Variants in CFAP97 observed in about 807,000 individuals in gnomAD.
CFAP97 encodes cilia and flagella associated protein 97, also known as cilia- and flagella-associated protein 97.
A neutral mutation model predicts 43.1 loss-of-function variants in CFAP97; 36 were observed. The ratio of observed to expected loss-of-function variants is 0.84; its 90% CI spans 0.64 to 1.10. The LOEUF (loss-of-function observed/expected upper bound fraction) is 1.10. CFAP97 is among the 50% of genes least tolerant of loss of function. The pLI is 0.00. For missense variants in CFAP97, 657 were observed against 620.3 expected, an observed-to-expected ratio of 1.06 and a Z score of -0.63; for synonymous variants, 228 against 225.7, an observed-to-expected ratio of 1.01 and a Z score of -0.09.
chr4:185,178,589 A>G (rs747426731), intron 2 of CFAP97, among the ~76,000 whole-genome samples: 6 of 152,068 alleles, frequency 3.9e-5, no homozygotes, highest in Middle Eastern at 3.2e-3. Flanking sequence ...CAAATTTTCT[A>G]GGATGATGGA....
At chr4:185,203,506 C>G (rs567709408) in intron 1 of CFAP97, among the ~76,000 whole-genome samples, 1 of 152,164 alleles carries the variant, frequency 6.6e-6, no homozygotes, top group Non-Finnish European at 1.5e-5. Context: ...TGTCTACATC[C>G]CCTACCGTCC....
rs369749223 is a variant in CFAP97, at chr4:185,175,941, G to C, written c.1165C>G (p.Arg389Gly). The stretch of plus-strand genomic sequence containing the variant: ...TCTTTCAAAAGCCTCTGATTTTCCC[G>C]ATCGATCTGTCTCACCTCTTCTCTT... ...FTREEVRQID[R>G]ENQRLLKELS... Residue 389 changes from arginine to glycine, a missense_variant, in exon 3 of 5, where the codon CGG becomes GGG. By Grantham distance (125) the Arg-to-Gly change is moderately radical. Coordinates refer to ENST00000458385, the MANE Select transcript of CFAP97 (RefSeq NM_020827.3). 1.1e-5 allele frequency: 17 copies of C among 1,613,604 alleles called. No individual in the cohort carries two copies. The Admixed American group carries it at 1.8e-4, about 17-fold the overall frequency.
At chr4:185,187,625 C>A (rs760212281) in intron 2 of CFAP97, among the ~76,000 whole-genome samples, 4 of 151,992 alleles carry the variant, frequency 2.6e-5, no homozygotes, top group Non-Finnish European at 5.9e-5. Flanking sequence ...CCCGGAGTGT[C>A]CTTACAACAG....
At chr4:185,199,567 G>A (rs1040315849) in intron 1 of CFAP97, among the ~76,000 whole-genome samples, 1 of 151,636 alleles carries the variant, frequency 6.6e-6, no homozygotes, top group Admixed American at 6.6e-5. Context: ...CTACTCGGGA[G>A]GCTGAGGCAT....
At chr4:185,200,906 T>C (rs1438958066) in intron 1 of CFAP97, among the ~76,000 whole-genome samples, 2 of 152,228 alleles carry the variant, frequency 1.3e-5, no homozygotes, top group Non-Finnish European at 2.9e-5. Context: ...TTTCTTGAGA[T>C]GGAATTTACT....
intron 3 of CFAP97, among the ~76,000 whole-genome samples, chr4:185,172,138 G>A (rs1735329876): frequency 1.3e-5 from 2 of 152,118 alleles, no homozygotes; most frequent in African/African-American, 4.8e-5. Flanking sequence ...AATTGAGGCT[G>A]TCTACTGATA....
Position 185,190,246 on chromosome 4 carries a change from A to G in CFAP97, c.951T>C (p.Pro317=). 1 of 1,613,612 alleles carries G rather than the reference A, an allele frequency of 6.2e-7. No homozygotes were observed. The highest frequency in any genetic ancestry group is 1.1e-5 in the South Asian group (1 of 90,998). ...CTGAAGACGACTTTGAGGAGACATC[A>G]GGCTCATGTTTTTCTTTCCCTTTTT... ...AAKKGKEKHE[P]DVSSKSSSVL... The change falls in exon 2 of 5, where the codon CCT becomes CCC. Residue 317 remains proline, a synonymous_variant. Transcript: ENST00000458385.
At chr4:185,176,782 T>A (rs1203795429) in intron 2 of CFAP97, among the ~76,000 whole-genome samples, 1 of 152,148 alleles carries the variant, frequency 6.6e-6, no homozygotes, top group African/African-American at 2.4e-5. Flanking sequence ...TCCAAAAAAA[T>A]GTCCTCAGCA....
chr4:185,186,292 G>A (rs1196553798), intron 2 of CFAP97, among the ~76,000 whole-genome samples: 1 of 152,064 alleles, frequency 6.6e-6, no homozygotes, highest in African/African-American at 2.4e-5. Context: ...AATTAGCCAG[G>A]CGTGGTGGAG....
rs34798240 is a variant in CFAP97 at position 185,190,715 on chromosome 4, C to CT, written c.481dup (p.Ser161LysfsTer10). The stretch of plus-strand genomic sequence containing the variant: ...AACTTTGCAATACTTTTTCCTTATG[C>CT]TTTTTTTAACGTTAGTAGATGGTTT... On this transcript the variant is annotated frameshift_variant, in exon 2 of 5. Coordinates refer to ENST00000458385, the MANE Select transcript of CFAP97 (RefSeq NM_020827.3). LOFTEE classifies it high-confidence loss of function. 1.1e-5 allele frequency: 17 copies of CT among 1,571,782 alleles called. No individual in the cohort carries two copies. Among genetic ancestry groups the CT allele is most frequent in the East Asian group, 2.3e-5 (1 of 43,420 alleles).
chr4:185,162,884 T>A lies in CFAP97; in HGVS notation c.1513A>T (p.Arg505Trp). Residue 505 changes from arginine to tryptophan, a missense_variant, in exon 5 of 5, where the codon AGG (arginine) becomes TGG (tryptophan). Physicochemically the swap from Arg to Trp is moderately radical, Grantham distance 101. Transcript: ENST00000458385. ...GGGTCAACCGCTGATCGCTCACTCC[T>A]ACAACTGAGACCACTCGTAGCACTG... ...TSSATSGLSC[R>W]SERSAVDPSS... 2 of 1,608,498 alleles carry A rather than the reference T, an allele frequency of 1.2e-6. No homozygotes were observed. Among genetic ancestry groups the A allele is most frequent in the Non-Finnish European group, 1.7e-6 (2 of 1,178,080 alleles).
At chr4:185,195,017 T>C (rs1191901907) in intron 1 of CFAP97, among the ~76,000 whole-genome samples, 1 of 152,198 alleles carries the variant, frequency 6.6e-6, no homozygotes, top group Non-Finnish European at 1.5e-5. Context: ...CCTGGGCATG[T>C]ACACAGGATG....
intron 1 of CFAP97, among the ~76,000 whole-genome samples, chr4:185,193,747 T>C (rs1736410346): frequency 1.3e-5 from 2 of 152,122 alleles, no homozygotes; most frequent in African/African-American, 4.8e-5. Context: ...TAAAAGATTA[T>C]GTAATCTGTA....
chr4:185,194,949 A>G, intron 1 of CFAP97, among the ~76,000 whole-genome samples: 1 of 152,196 alleles, frequency 6.6e-6, no homozygotes, highest in East Asian at 1.9e-4. Context: ...AAACGAATCA[A>G]TGGAGTCAGA....
upstream of CFAP97, chr4:185,209,646 G>C (rs1025554790): frequency 2.7e-6 from 2 of 741,558 alleles, no homozygotes; most frequent in Non-Finnish European, 1.6e-6. The surrounding 1 kb of genome is among the most constrained non-coding windows in gnomAD (Gnocchi z 5.2). Flanking sequence ...CGGCAGCTAC[G>C]GGCCCAGCGC....
chr4:185,194,298 G>A (rs374358066), intron 1 of CFAP97, among the ~76,000 whole-genome samples: 51 of 152,268 alleles, frequency 3.3e-4, no homozygotes, highest in East Asian at 1.4e-3. Flanking sequence ...AGACCAGCCC[G>A]GTCCACATGG....
At chr4:185,179,064 A>C in intron 2 of CFAP97, among the ~76,000 whole-genome samples, 1 of 152,144 alleles carries the variant, frequency 6.6e-6, no homozygotes, top group East Asian at 1.9e-4. Flanking sequence ...AAGAGCCAAG[A>C]CTTAACGGGG....
At chr4:185,189,062 C>T (rs1194760702) in intron 2 of CFAP97, among the ~76,000 whole-genome samples, 2 of 152,064 alleles carry the variant, frequency 1.3e-5, no homozygotes, top group Non-Finnish European at 2.9e-5. Context: ...CATAGTGAAA[C>T]CTCATCTCTA....
chr4:185,163,945 ACT>A, intron 4 of CFAP97, 82 bp downstream of exon 4: 1 of 1,284,666 alleles, frequency 7.8e-7, no homozygotes, highest in Non-Finnish European at 1.1e-6. Context: ...GGCATTTAAA[ACT>A]CTATCATAAT....
Sources: gnomAD v4.1 joint callset for allele counts (sites outside exome capture counted in the v4.1 genomes callset) on GRCh38, gnomAD v4.1.1 for gene constraint, Gnocchi (gnomAD v3.1) non-coding constraint, MANE v1.5 for transcripts, NCBI Gene and HGNC (gene_info 2026-07-23, HGNC 2026-07-21) for gene names.